The following USH2A variants were observed in gnomAD, a reference collection of about 807,000 sequenced individuals.
The protein encoded by USH2A is usherin.
USH2A carries 443 observed loss-of-function variants against 538.9 expected under a neutral mutation model. The observed-to-expected ratio is 0.82, with a 90% CI of 0.76 to 0.89. USH2A has a LOEUF of 0.89. Among genes scored for constraint, USH2A ranks in the 40% least tolerant of loss-of-function variants. The pLI is 0.00. For synonymous variants in USH2A, 2,413 were observed against 2,273.5 expected (o/e 1.06, Z -1.75); for missense variants, 6,633 against 6,324.8 (o/e 1.05, Z -1.65).
At chr1:215,943,498 A>T (rs1396068668) in intron 37 of USH2A, among the ~76,000 whole-genome samples, 1 of 152,184 alleles carries the variant, frequency 6.6e-6, no homozygotes, top group Non-Finnish European at 1.5e-5. Flanking sequence ...GAAAGAAATG[A>T]TTAGAAACAT....
chr1:215,945,581 T>C (rs1307160447), intron 37 of USH2A, among the ~76,000 whole-genome samples: 1 of 152,132 alleles, frequency 6.6e-6, no homozygotes, highest in African/African-American at 2.4e-5. Flanking sequence ...ATTGAGAAAT[T>C]TGAAGTTTGC....
chr1:216,115,786 T>A (rs772197729), intron 21 of USH2A, among the ~76,000 whole-genome samples: 15 of 151,696 alleles, frequency 9.9e-5, no homozygotes, highest in Non-Finnish European at 2.1e-4. Context: ...TGTCTCAAAT[T>A]GAAATCATAA....
At chr1:216,405,945 G>A (rs1456727284) in intron 3 of USH2A, among the ~76,000 whole-genome samples, 1 of 152,186 alleles carries the variant, frequency 6.6e-6, no homozygotes. Flanking sequence ...TACATATTGT[G>A]TGATGTCATG....
intron 4 of USH2A, among the ~76,000 whole-genome samples, chr1:216,340,070 A>G (rs761153664): frequency 6.6e-6 from 1 of 151,538 alleles, no homozygotes; most frequent in Non-Finnish European, 1.5e-5. Flanking sequence ...AAAACAAACA[A>G]ACAAACAAAC....
intron 61 of USH2A, among the ~76,000 whole-genome samples, chr1:215,684,260 T>C (rs1313168222): frequency 1.3e-5 from 2 of 152,222 alleles, no homozygotes; most frequent in African/African-American, 2.4e-5. Context: ...TGGGGACATA[T>C]GCAACTACTT....
rs747363471 is a variant in USH2A at position 215,781,797 on chromosome 1, G to C, written c.10740+245C>G. On this transcript the variant is annotated intron_variant, in intron 54 of 71. Transcript: ENST00000307340. ...AGAATGTGGAAGAAAAGATGGTACT[G>C]CTTCAAGATTTCACTTGTTTTTCAT... Among the ~76,000 whole-genome samples the C allele has an allele frequency of 2.0e-5, 3 of 152,162 alleles. No individual in the cohort carries two copies. The East Asian group carries it at 5.8e-4, about 29-fold the overall frequency.
intron 22 of USH2A, among the ~76,000 whole-genome samples, chr1:216,094,998 G>A (rs912734111): frequency 6.6e-6 from 1 of 151,898 alleles, no homozygotes; most frequent in African/African-American, 2.4e-5. Context: ...ATGTGTGTAT[G>A]TAAGTGTACA....
chr1:216,365,192 T>C, intron 3 of USH2A, 107 bp from the exon 4 acceptor site: 1 of 1,323,016 alleles, frequency 7.6e-7, no homozygotes, highest in East Asian at 2.4e-5. Flanking sequence ...CTTTACTTTG[T>C]TCAGCTGGGA....
chr1:216,246,055 A>G (rs1189394393), intron 13 of USH2A, among the ~76,000 whole-genome samples: 2 of 152,218 alleles, frequency 1.3e-5, no homozygotes, highest in African/African-American at 4.8e-5. Flanking sequence ...AGATGGAAAG[A>G]TAAGTTTGTA....
intron 43 of USH2A, among the ~76,000 whole-genome samples, chr1:215,868,167 T>C (rs1664530466): frequency 6.6e-6 from 1 of 152,196 alleles, no homozygotes; most frequent in Admixed American, 6.5e-5. Flanking sequence ...ACAGTATTTG[T>C]CTCAATATGT....
At chr1:216,326,172 G>A (rs759649764) in intron 5 of USH2A, among the ~76,000 whole-genome samples, 19 of 152,240 alleles carry the variant, frequency 1.2e-4, no homozygotes, top group Admixed American at 2.0e-4. Flanking sequence ...ATCATATGGC[G>A]GCTGCCAACA....
At chr1:215,776,611 C>T (rs1269864988) in intron 55 of USH2A, among the ~76,000 whole-genome samples, 2 of 152,234 alleles carry the variant, frequency 1.3e-5, no homozygotes, top group Middle Eastern at 3.4e-3. Context: ...TTTATTAGTG[C>T]TGTGTTGCTT....
At chr1:215,666,519 C>T (rs990151040) in intron 64 of USH2A, among the ~76,000 whole-genome samples, 2 of 152,154 alleles carry the variant, frequency 1.3e-5, no homozygotes, top group South Asian at 4.1e-4. Flanking sequence ...ATTCTCAACT[C>T]TGGCTGCACA....
intron 58 of USH2A, among the ~76,000 whole-genome samples, chr1:215,751,016 A>G (rs189884164): frequency 8.5e-5 from 13 of 152,258 alleles, no homozygotes; most frequent in Admixed American, 2.0e-4. Context: ...ACTCCTTGTC[A>G]TTTGGTTATT....
intron 61 of USH2A, among the ~76,000 whole-genome samples, chr1:215,724,277 G>T (rs912840658): frequency 3.3e-5 from 5 of 151,366 alleles, no homozygotes; most frequent in Non-Finnish European, 5.9e-5. Context: ...ATACTACTCA[G>T]CCATAAAAAA....
intron 30 of USH2A, among the ~76,000 whole-genome samples, chr1:216,053,492 A>G (rs868811317): frequency 6.7e-6 from 1 of 148,550 alleles, no homozygotes; most frequent in Non-Finnish European, 1.5e-5. Context: ...TCCCTATTAC[A>G]AGGCAGGCCA....
chr1:215,930,720 C>A (rs746644361), intron 38 of USH2A, among the ~76,000 whole-genome samples: 2 of 151,974 alleles, frequency 1.3e-5, no homozygotes, highest in Non-Finnish European at 2.9e-5. Flanking sequence ...ACTTATTAAA[C>A]TGAATGCTGA....
At chr1:216,332,803 C>T (rs1212133540) in intron 4 of USH2A, among the ~76,000 whole-genome samples, 3 of 152,130 alleles carry the variant, frequency 2.0e-5, no homozygotes, top group Non-Finnish European at 2.9e-5. Flanking sequence ...AGCCACTAAA[C>T]AAGCAAACAG....
intron 37 of USH2A, among the ~76,000 whole-genome samples, chr1:215,949,994 C>A (rs1304199778): frequency 6.6e-6 from 1 of 152,030 alleles, no homozygotes; most frequent in East Asian, 1.9e-4. Context: ...CAAATTAGAG[C>A]AACCTACCAT....
Sources: allele counts gnomAD v4.1 joint callset (sites outside exome capture counted in the v4.1 genomes callset), GRCh38; gene constraint gnomAD v4.1.1; transcripts MANE v1.5; gene names NCBI Gene and HGNC (gene_info 2026-07-23, HGNC 2026-07-21).